SEPHS1: variants seen among roughly 807,000 people sequenced by gnomAD.
SEPHS1 encodes selenophosphate synthetase 1.
SEPHS1 carries 7 observed loss-of-function variants against 39.2 expected under a neutral mutation model. The ratio of observed to expected loss-of-function variants is 0.18; its 90% CI spans 0.10 to 0.34. The LOEUF (loss-of-function observed/expected upper bound fraction) is 0.34. Ranked by LOEUF, SEPHS1 falls within the 10% of genes least tolerant of loss-of-function variation. The probability of loss-of-function intolerance (pLI) is 1.00; values close to 1 mark genes in which losing one functional copy is unlikely to be tolerated. For missense variants in SEPHS1, 253 were observed against 514.5 expected (o/e 0.49, Z 4.92); for synonymous variants, 190 against 195.5 (o/e 0.97, Z 0.23).
intron 2 of SEPHS1, among the ~76,000 whole-genome samples, chr10:13,342,861 G>A (rs1035488741): frequency 2.6e-5 from 4 of 151,570 alleles, no homozygotes; most frequent in African/African-American, 4.9e-5. Flanking sequence ...TCAGCCTCCC[G>A]AGTAGCTGAA....
Position 13,344,650 on chromosome 10 carries a change from CAA to C in SEPHS1, c.193+106_193+107del, listed in dbSNP as rs1190505712. 7.6e-5 allele frequency: 61 copies of C among 803,738 alleles called. No individual in the cohort carries two copies. In the East Asian group the frequency reaches 1.7e-3, roughly 22 times the overall value. The allele number at this position is 803,738 out of a possible 1,614,324, so 49.8% of individuals were successfully genotyped here. On this transcript the variant is annotated intron_variant, in intron 2 of 8. Coordinates refer to ENST00000327347, the MANE Select transcript of SEPHS1 (RefSeq NM_012247.5). ...TGTGTATTCCTCAAATCTATAAAAGCAAAAAAAGTAATAATAAAAAATAAATA... is the reference window on the plus strand; with the variant it reads ...TGTGTATTCCTCAAATCTATAAAAGCAAAAAGTAATAATAAAAAATAAATA...
intron 1 of SEPHS1, among the ~76,000 whole-genome samples, chr10:13,347,054 G>A (rs568535743): frequency 6.6e-6 from 1 of 152,294 alleles, no homozygotes; most frequent in Admixed American, 6.5e-5. Context: ...AGGGAACCAG[G>A]GGGATCCATT....
chr10:13,339,235 T>C (rs936647239), intron 2 of SEPHS1, among the ~76,000 whole-genome samples: 3 of 152,226 alleles, frequency 2.0e-5, no homozygotes, highest in East Asian at 1.9e-4. Context: ...CATTATCGTA[T>C]TGTCCCATCA....
intron 3 of SEPHS1, among the ~76,000 whole-genome samples, chr10:13,337,637 C>A (rs894878700): frequency 1.3e-5 from 2 of 152,158 alleles, no homozygotes; most frequent in Non-Finnish European, 2.9e-5. Flanking sequence ...ACAACTCGCA[C>A]AAGCCAATCG....
At chr10:13,320,526 T>G (rs957797423) in intron 8 of SEPHS1, among the ~76,000 whole-genome samples, 1 of 151,876 alleles carries the variant, frequency 6.6e-6, no homozygotes, top group Non-Finnish European at 1.5e-5. Flanking sequence ...GGAAAAACTG[T>G]AGTCTACTTC....
At chr10:13,328,318 C>A in intron 7 of SEPHS1, 33 bp downstream of exon 7, 1 of 1,436,292 alleles carries the variant, frequency 7.0e-7, no homozygotes, top group Admixed American at 1.7e-5. Flanking sequence ...TCTTGGACCC[C>A]TGGGACCGAA....
chr10:13,346,492 G>C (rs971220982), intron 1 of SEPHS1, among the ~76,000 whole-genome samples: 3 of 152,320 alleles, frequency 2.0e-5, no homozygotes, highest in East Asian at 1.9e-4. Flanking sequence ...GGTGGGAAAC[G>C]TAACAACTGA....
intron 2 of SEPHS1, among the ~76,000 whole-genome samples, chr10:13,339,563 G>A (rs147479313): frequency 1.5e-3 from 226 of 152,068 alleles, no homozygotes; most frequent in Non-Finnish European, 2.8e-3. Flanking sequence ...ACAGTGAGCA[G>A]CCCTACACCC....
intron 7 of SEPHS1, among the ~76,000 whole-genome samples, chr10:13,327,035 C>T (rs1833320228): frequency 6.6e-6 from 1 of 151,752 alleles, no homozygotes; most frequent in East Asian, 1.9e-4. Context: ...GTCAGGAGTT[C>T]GAGACCAGCC....
At chr10:13,347,080 C>T (rs1833943716) in intron 1 of SEPHS1, among the ~76,000 whole-genome samples, 1 of 152,112 alleles carries the variant, frequency 6.6e-6, no homozygotes, top group South Asian at 2.1e-4. Context: ...TAATAAGGGA[C>T]GGTGCCCGGC....
chr10:13,329,427 C>T (rs1041689600), intron 6 of SEPHS1, among the ~76,000 whole-genome samples: 1 of 152,124 alleles, frequency 6.6e-6, no homozygotes, highest in Non-Finnish European at 1.5e-5. Flanking sequence ...TATCTCAGGG[C>T]CAAGTAAACA....
At chr10:13,332,225 C>A (rs115020017) in intron 5 of SEPHS1, among the ~76,000 whole-genome samples, 1 of 152,202 alleles carries the variant, frequency 6.6e-6, no homozygotes, top group African/African-American at 2.4e-5. Context: ...TGCTACAACA[C>A]GGATGGACCC....
chr10:13,336,163 T>A, intron 4 of SEPHS1, 80 bp downstream of exon 4: 1 of 964,032 alleles, frequency 1.0e-6, no homozygotes, highest in Non-Finnish European at 1.6e-6. Flanking sequence ...GCTTTCTAGA[T>A]GGGAAACCAA....
rs1222340270 is a variant in SEPHS1, at chr10:13,325,953, A to ATAAT, written c.751+2397_751+2398insATTA. Among the ~76,000 whole-genome samples the ATAAT allele has an allele frequency of 1.0e-3, 112 of 112,266 alleles. 5 individuals carry two copies. Among genetic ancestry groups the ATAAT allele is most frequent in the African/African-American group, 4.0e-3 (105 of 26,044 alleles). The allele number at this position is 112,266 out of a possible 152,430, so 73.7% of individuals were successfully genotyped here. ...AAAAAAGAGACTCAGTCTCAAAAAA[A>ATAAT]AAAAAAAAAAATAATAATAATAATA... On this transcript the variant is annotated intron_variant, in intron 7 of 8. Transcript: ENST00000327347.
In SEPHS1 at chr10:13,338,711, G is replaced by A. The variant is rs1833709661; in HGVS notation, c.291C>T (p.Tyr97=). The change falls in exon 3 of 9, where the codon TAC becomes TAT. Residue 97 remains tyrosine, a synonymous_variant. Coordinates refer to ENST00000327347, the MANE Select transcript of SEPHS1 (RefSeq NM_012247.5). ...CACATCGGCTCACGCTTACCATCAT[G>A]TAAGGGTCGTCTACGATCGGGTAAA... is the stretch of plus-strand genomic sequence containing the variant. The part of the protein sequence containing the change: ...DYIYPIVDDP[Y]MMGRIACANV... 2 of 1,613,102 alleles carry A rather than the reference G, an allele frequency of 1.2e-6. No homozygotes were observed. Among genetic ancestry groups the A allele is most frequent in the African/African-American group, 1.3e-5 (1 of 74,920 alleles).
chr10:13,335,167 C>G (rs1833588992), intron 4 of SEPHS1, among the ~76,000 whole-genome samples: 1 of 152,204 alleles, frequency 6.6e-6, no homozygotes, highest in Non-Finnish European at 1.5e-5. Flanking sequence ...GTTCAAAGAA[C>G]AGGTTCAGGC....
intron 7 of SEPHS1, among the ~76,000 whole-genome samples, chr10:13,325,211 T>C (rs760483247): frequency 1.1e-4 from 17 of 152,194 alleles, no homozygotes; most frequent in Non-Finnish European, 2.4e-4. Context: ...TTTGGTGTTA[T>C]AAAGTCATCA....
intron 1 of SEPHS1, among the ~76,000 whole-genome samples, chr10:13,347,542 C>G (rs1833962410): frequency 1.4e-5 from 2 of 146,628 alleles, no homozygotes; most frequent in Admixed American, 6.7e-5. Flanking sequence ...GGCCCAGGAG[C>G]CGGGGAGGAC....
intron 5 of SEPHS1, 79 bp downstream of exon 5, chr10:13,333,737 AC>A: frequency 6.9e-7 from 1 of 1,454,974 alleles, no homozygotes; most frequent in Non-Finnish European, 9.5e-7. Flanking sequence ...ACTGCACCTG[AC>A]CTTAATACAT....
Sources: allele counts gnomAD v4.1 joint callset (sites outside exome capture counted in the v4.1 genomes callset), GRCh38; gene constraint gnomAD v4.1.1; transcripts MANE v1.5; gene names NCBI Gene and HGNC (gene_info 2026-07-23, HGNC 2026-07-21).